OXR1: variants seen among roughly 807,000 people sequenced by gnomAD.
OXR1 encodes the protein oxidation resistance protein 1.
Under a neutral mutation model 104.6 loss-of-function variants are expected in OXR1, and 41 were observed. That is an observed-to-expected ratio of 0.39 (90% confidence interval 0.31 to 0.51). The LOEUF (loss-of-function observed/expected upper bound fraction) is 0.51, where lower values mean the gene tolerates loss of function less well. Ranked by LOEUF, OXR1 falls within the 20% of genes least tolerant of loss-of-function variation. OXR1 has a pLI of 0.77. For missense variants in OXR1, 955 were observed against 1,031.9 expected (o/e 0.93, Z 1.02); for synonymous variants, 348 against 348.4 (o/e 1.00, Z 0.01).
At chr8:106,362,513 T>C (rs1816289919) in intron 2 of OXR1, among the ~76,000 whole-genome samples, 1 of 152,170 alleles carries the variant, frequency 6.6e-6, no homozygotes, top group Non-Finnish European at 1.5e-5. Context: ...CTTGAAAAAA[T>C]ATATAAATAA....
At chr8:106,494,960 A>T (rs377087471) in intron 2 of OXR1, among the ~76,000 whole-genome samples, 1 of 152,128 alleles carries the variant, frequency 6.6e-6, no homozygotes. Flanking sequence ...TTCTACCTTG[A>T]TCATCACTGT....
chr8:106,699,350 C>T (rs559165512), intron 7 of OXR1, among the ~76,000 whole-genome samples: 5 of 152,250 alleles, frequency 3.3e-5, no homozygotes, highest in African/African-American at 1.2e-4. Context: ...ACCTCTAAAG[C>T]TTTCTCACTG....
At chr8:106,517,033 A>T (rs1429146687) in intron 2 of OXR1, among the ~76,000 whole-genome samples, 8 of 152,170 alleles carry the variant, frequency 5.3e-5, no homozygotes, top group Non-Finnish European at 1.2e-4. Context: ...GTAAAAGTCA[A>T]TTTCTCATGA....
chr8:106,633,306 C>T (rs895841527), intron 3 of OXR1, among the ~76,000 whole-genome samples: 1 of 151,958 alleles, frequency 6.6e-6, no homozygotes, highest in African/African-American at 2.4e-5. Flanking sequence ...ATAAAAAACA[C>T]TACAAAATTA....
At chr8:106,354,578 T>G (rs1404770189) in intron 1 of OXR1, among the ~76,000 whole-genome samples, 1 of 152,156 alleles carries the variant, frequency 6.6e-6, no homozygotes, top group Non-Finnish European at 1.5e-5. Context: ...GGCAATGTCA[T>G]TCACTGTGTA....
intron 3 of OXR1, among the ~76,000 whole-genome samples, chr8:106,552,973 T>TGGA (rs1815970635): frequency 1.3e-5 from 2 of 152,184 alleles, no homozygotes; most frequent in African/African-American, 4.8e-5. Context: ...TTTATTCTCC[T>TGGA]TCTCTTTTAT....
intron 2 of OXR1, among the ~76,000 whole-genome samples, chr8:106,506,598 G>A (rs1054993188): frequency 6.6e-6 from 1 of 152,016 alleles, no homozygotes; most frequent in African/African-American, 2.4e-5. Flanking sequence ...GTGACAGAGC[G>A]AGACTCCATC....
At chr8:106,532,678 A>G (rs1814181501) in intron 3 of OXR1, among the ~76,000 whole-genome samples, 1 of 152,218 alleles carries the variant, frequency 6.6e-6, no homozygotes, top group Non-Finnish European at 1.5e-5. Flanking sequence ...CCAGCTAGAA[A>G]TAAGTAAGAG....
intron 3 of OXR1, among the ~76,000 whole-genome samples, chr8:106,660,105 A>G (rs991386988): frequency 1.3e-5 from 2 of 152,156 alleles, no homozygotes; most frequent in African/African-American, 2.4e-5. Context: ...TTTGTAAATG[A>G]GGTTGGATTT....
intron 2 of OXR1, among the ~76,000 whole-genome samples, chr8:106,449,727 T>A (rs980674279): frequency 6.6e-6 from 1 of 152,202 alleles, no homozygotes; most frequent in Non-Finnish European, 1.5e-5. Context: ...ATATTCAAAT[T>A]ACAAAATATG....
intron 2 of OXR1, among the ~76,000 whole-genome samples, chr8:106,485,684 G>T (rs1810602777): frequency 6.6e-6 from 1 of 151,884 alleles, no homozygotes; most frequent in African/African-American, 2.4e-5. Flanking sequence ...TATTTAATAT[G>T]GCACTATTTA....
intron 2 of OXR1, among the ~76,000 whole-genome samples, chr8:106,360,777 T>C (rs1159858083): frequency 1.3e-5 from 2 of 152,182 alleles, no homozygotes; most frequent in African/African-American, 2.4e-5. Flanking sequence ...GTAGAACCTG[T>C]GAGTCATTTT....
intron 3 of OXR1, among the ~76,000 whole-genome samples, chr8:106,618,531 G>C (rs532125402): frequency 6.6e-6 from 1 of 152,268 alleles, no homozygotes; most frequent in East Asian, 1.9e-4. Context: ...TAATGATTTT[G>C]AGTCTCTTCA....
intron 1 of OXR1, among the ~76,000 whole-genome samples, chr8:106,358,568 T>C (rs2130333088): frequency 6.6e-6 from 1 of 152,328 alleles, no homozygotes; most frequent in African/African-American, 2.4e-5. Context: ...GCTAGGATAG[T>C]GTACGTTCAC....
At chr8:106,550,693 A>T (rs1815734521) in intron 3 of OXR1, among the ~76,000 whole-genome samples, 1 of 152,066 alleles carries the variant, frequency 6.6e-6, no homozygotes, top group Non-Finnish European at 1.5e-5. Flanking sequence ...GTTGCCATGT[A>T]AGACATGCCT....
intron 2 of OXR1, among the ~76,000 whole-genome samples, chr8:106,393,614 C>T (rs1285126397): frequency 2.0e-5 from 3 of 151,980 alleles, no homozygotes; most frequent in East Asian, 3.9e-4. Context: ...TTTATTTCCC[C>T]TTCCTTCTTC....
rs1563689316 is a variant in OXR1 at position 106,275,239 on chromosome 8, A to G, written c.-139+4872A>G. 2.6e-5 allele frequency among the ~76,000 whole-genome samples: 4 copies of G among 152,244 alleles called. No homozygotes were observed. In the South Asian group the frequency reaches 8.3e-4, roughly 32 times the overall value. ...AGGAAGAAATGAGAAATTTGAGGTG[A>G]AAGGGGTCAGTTCTTGTCTCCCTTT... On this transcript the variant is annotated intron_variant, in intron 1 of 16. Transcript: ENST00000517566.
intron 2 of OXR1, among the ~76,000 whole-genome samples, chr8:106,417,936 T>G (rs2130526404): frequency 6.6e-6 from 1 of 152,202 alleles, no homozygotes; most frequent in African/African-American, 2.4e-5. Flanking sequence ...GCTTTACCAC[T>G]TCTAGGCCTG....
intron 2 of OXR1, among the ~76,000 whole-genome samples, chr8:106,485,467 A>G (rs1387803795): frequency 6.6e-6 from 1 of 152,082 alleles, no homozygotes; most frequent in East Asian, 1.9e-4. Context: ...CACTCAATAA[A>G]TGTTTTTTAG....
Sources: allele counts gnomAD v4.1 joint callset (sites outside exome capture counted in the v4.1 genomes callset), GRCh38; gene constraint gnomAD v4.1.1; transcripts MANE v1.5; gene names NCBI Gene and HGNC (gene_info 2026-07-23, HGNC 2026-07-21).